MARCHF1: variants seen among roughly 807,000 people sequenced by gnomAD.
MARCHF1 encodes membrane associated ring-CH-type finger 1.
A neutral mutation model predicts 54.2 loss-of-function variants in MARCHF1; 40 were observed. The ratio of observed to expected loss-of-function variants is 0.74; its 90% CI spans 0.57 to 0.96. The LOEUF is 0.96. MARCHF1 is among the 40% of genes least tolerant of loss of function. The probability of loss-of-function intolerance (pLI) is 0.00; values close to 1 mark genes in which losing one functional copy is unlikely to be tolerated. For missense variants in MARCHF1, 586 were observed against 656.5 expected (o/e 0.89, Z 1.17); for synonymous variants, 236 against 236.3 (o/e 1.00, Z 0.01).
intron 1 of MARCHF1, chr4:164,189,028 G>A: frequency 2.9e-6 from 2 of 692,978 alleles, no homozygotes; most frequent in South Asian, 1.6e-5. Flanking sequence ...GGGAGGGGGA[G>A]AAGACATCCT....
At chr4:164,166,777 C>T (rs1376147584) in intron 1 of MARCHF1, among the ~76,000 whole-genome samples, 1 of 151,566 alleles carries the variant, frequency 6.6e-6, no homozygotes, top group African/African-American at 2.4e-5. Flanking sequence ...CTGTTAGATG[C>T]AATAAACAAA....
intron 4 of MARCHF1, among the ~76,000 whole-genome samples, chr4:163,714,041 A>G (rs574532846): frequency 6.6e-6 from 1 of 152,338 alleles, no homozygotes; most frequent in East Asian, 1.9e-4. Flanking sequence ...TTCACCACCC[A>G]CAAGCTATGT....
chr4:163,938,111 T>C (rs965835042), intron 3 of MARCHF1, among the ~76,000 whole-genome samples: 1 of 152,086 alleles, frequency 6.6e-6, no homozygotes, highest in Non-Finnish European at 1.5e-5. Flanking sequence ...TGCTTTACAG[T>C]GATAAAGTGC....
At chr4:164,140,783 C>T (rs1756513632) in intron 1 of MARCHF1, among the ~76,000 whole-genome samples, 1 of 147,186 alleles carries the variant, frequency 6.8e-6, no homozygotes, top group African/African-American at 2.5e-5. Context: ...CACACACACA[C>T]ACTGAACTCA....
At chr4:164,021,244 GTGGCTACT>G (rs1753657216) in intron 2 of MARCHF1, among the ~76,000 whole-genome samples, 1 of 152,118 alleles carries the variant, frequency 6.6e-6, no homozygotes, top group African/African-American at 2.4e-5. Context: ...GGTCTAGCCA[GTGGCTACT>G]TTCCTCATCA....
chr4:164,241,908 C>A (rs555297545), intron 1 of MARCHF1, among the ~76,000 whole-genome samples: 2 of 152,220 alleles, frequency 1.3e-5, no homozygotes, highest in African/African-American at 4.8e-5. Flanking sequence ...CCGAATACTG[C>A]GCTTTTCCAA....
At chr4:164,078,140 A>G (rs916588847) in intron 2 of MARCHF1, among the ~76,000 whole-genome samples, 1 of 152,246 alleles carries the variant, frequency 6.6e-6, no homozygotes, top group Non-Finnish European at 1.5e-5. Context: ...CTAAACGCCC[A>G]TCAGTGATAG....
intron 3 of MARCHF1, among the ~76,000 whole-genome samples, chr4:163,870,115 C>A (rs117549793): frequency 6.6e-6 from 1 of 152,144 alleles, no homozygotes; most frequent in East Asian, 1.9e-4. Flanking sequence ...AGTTTAATGG[C>A]TGATTTTCTG....
chr4:163,657,354 G>A (rs1056756810), intron 5 of MARCHF1, among the ~76,000 whole-genome samples: 1 of 152,028 alleles, frequency 6.6e-6, no homozygotes, highest in Non-Finnish European at 1.5e-5. Flanking sequence ...GCTAAGAAGG[G>A]AAGTGAAGGA....
chr4:163,707,874 T>C (rs1744995245), intron 4 of MARCHF1, among the ~76,000 whole-genome samples: 1 of 151,364 alleles, frequency 6.6e-6, no homozygotes, highest in Admixed American at 6.6e-5. Flanking sequence ...CCCACTCTTC[T>C]AGCTTCTGTT....
intron 3 of MARCHF1, among the ~76,000 whole-genome samples, chr4:163,897,929 C>A (rs565755603): frequency 6.6e-6 from 1 of 151,512 alleles, no homozygotes; most frequent in African/African-American, 2.4e-5. Context: ...GGCATGGTGG[C>A]GGGCGCCTGT....
chr4:163,572,239 G>C (rs1393589575), intron 8 of MARCHF1, among the ~76,000 whole-genome samples: 4 of 151,164 alleles, frequency 2.6e-5, no homozygotes, highest in Middle Eastern at 3.5e-3. Flanking sequence ...AGCTACTGTA[G>C]ATATGAAGGA....
At chr4:163,975,967 G>C (rs1483700999) in intron 3 of MARCHF1, among the ~76,000 whole-genome samples, 2 of 152,100 alleles carry the variant, frequency 1.3e-5, no homozygotes, top group African/African-American at 4.8e-5. Flanking sequence ...CCACCAGTTT[G>C]AGCACAAAGC....
intron 2 of MARCHF1, among the ~76,000 whole-genome samples, chr4:164,046,148 G>A (rs534558409): frequency 7.2e-5 from 11 of 152,336 alleles, no homozygotes; most frequent in Non-Finnish European, 1.0e-4. Flanking sequence ...GTTGCATTAG[G>A]AGAGGAACTT....
At chr4:164,284,712 A>G (rs1387439472) in intron 1 of MARCHF1, among the ~76,000 whole-genome samples, 1 of 150,996 alleles carries the variant, frequency 6.6e-6, no homozygotes, top group African/African-American at 2.4e-5. Flanking sequence ...AATTTACCTT[A>G]TATGTTGAAA....
rs192096447 is a variant in MARCHF1, at chr4:163,936,457, C to A, written c.-39+52044G>T. Among the ~76,000 whole-genome samples the A allele has an allele frequency of 2.0e-5, 3 of 152,322 alleles. No individual in the cohort carries two copies. The East Asian group carries it at 5.8e-4, about 29-fold the overall frequency. On this transcript the variant is annotated intron_variant, in intron 3 of 9. Coordinates refer to ENST00000514618, the MANE Select transcript of MARCHF1 (RefSeq NM_001394959.1). Reference sequence around the variant, plus strand: ...TGTATATATACTGTTGCTTCTATTTCTCTTGAGAACCCAAATATATTTGAC... The same window carrying A: ...TGTATATATACTGTTGCTTCTATTTATCTTGAGAACCCAAATATATTTGAC...
intron 1 of MARCHF1, among the ~76,000 whole-genome samples, chr4:164,154,661 T>G (rs1730030036): frequency 6.6e-6 from 1 of 152,150 alleles, no homozygotes; most frequent in Non-Finnish European, 1.5e-5. Context: ...CACAGCAGCA[T>G]CTAAGGGTAG....
intron 4 of MARCHF1, among the ~76,000 whole-genome samples, chr4:163,821,888 C>G (rs373107831): frequency 6.6e-6 from 1 of 151,028 alleles, no homozygotes; most frequent in Non-Finnish European, 1.5e-5. Context: ...TTTGGTGTCA[C>G]AAAACACAAA....
At chr4:164,071,039 G>A (rs946997610) in intron 2 of MARCHF1, among the ~76,000 whole-genome samples, 1 of 152,126 alleles carries the variant, frequency 6.6e-6, no homozygotes, top group Non-Finnish European at 1.5e-5. Context: ...ATGATTCTGA[G>A]GCTTCCCCAG....
Sources: gnomAD v4.1 joint callset for allele counts (sites outside exome capture counted in the v4.1 genomes callset) on GRCh38, gnomAD v4.1.1 for gene constraint, MANE v1.5 for transcripts, NCBI Gene and HGNC (gene_info 2026-07-23, HGNC 2026-07-21) for gene names.